Variants in NAGPA observed in about 807,000 individuals in gnomAD.
NAGPA encodes the protein alpha-N-acetylglucosaminyl phosphodiesterase.
A neutral mutation model predicts 48.5 loss-of-function variants in NAGPA; 56 were observed. The observed-to-expected ratio is 1.15, with a 90% CI of 0.93 to 1.44. The LOEUF (loss-of-function observed/expected upper bound fraction) is 1.44. NAGPA is among the 40% of genes most tolerant of loss of function. The pLI is 0.00. For synonymous variants in NAGPA, 399 were observed against 315.5 expected (o/e 1.26, Z -2.81); for missense variants, 888 against 735.0 (o/e 1.21, Z -2.41).
In NAGPA at chr16:5,033,462, C is replaced by G. The variant is rs577942444; in HGVS notation, c.353G>C (p.Arg118Thr). Residue 118 changes from arginine to threonine, a missense_variant, in exon 2 of 10, where the codon AGA becomes ACA. Physicochemically the swap from Arg to Thr is moderately conservative, Grantham distance 71. Transcript: ENST00000312251. This position sits in a 1 kb window ranked among gnomAD's most constrained non-coding sequence, Gnocchi z 4.2. ...CGTCTCCTCCACGGTGGCGCGTCGTCTCGCCGCGCAGCCGCCGGGTCCACC... is the reference window on the plus strand; with the variant it reads ...CGTCTCCTCCACGGTGGCGCGTCGTGTCGCCGCGCAGCCGCCGGGTCCACC... ...EPGGPGGCAA[R>T]RRATVEETAR... The G allele has an allele frequency of 2.5e-6, 4 of 1,583,780 alleles. No individual in the cohort carries two copies. The highest frequency in any genetic ancestry group is 3.4e-5 in the Admixed American group (2 of 58,436).
intron 7 of NAGPA, 81 bp from the exon 8 acceptor site, chr16:5,027,460 G>A (rs2142557196): frequency 7.0e-7 from 1 of 1,430,856 alleles, no homozygotes; most frequent in Non-Finnish European, 9.8e-7. Context: ...CGACAGGACA[G>A]GATACCTGCC....
intron 2 of NAGPA, among the ~76,000 whole-genome samples, chr16:5,032,151 A>G (rs996563563): frequency 2.6e-5 from 4 of 151,836 alleles, no homozygotes; most frequent in South Asian, 2.1e-4. Flanking sequence ...CCATCCCCCA[A>G]CAGAGCTCAA....
At position 5,025,461 on chromosome 16, in the gene NAGPA, C is replaced by T; in HGVS notation, c.*17G>A. The T allele has an allele frequency of 4.3e-6, 7 of 1,611,270 alleles. No homozygotes were observed. The highest frequency in any genetic ancestry group is 5.1e-6 in the Non-Finnish European group (6 of 1,179,556). On this transcript the variant is annotated 3_prime_UTR_variant, in exon 10 of 10. Coordinates refer to ENST00000312251, the MANE Select transcript of NAGPA (RefSeq NM_016256.4). Reference sequence around the variant, plus strand: ...AAACAAGCTTTCGCGACGTGCCACCCCGGGCAGCTTGAGGCTTCAGTCCTT... The same window carrying T: ...AAACAAGCTTTCGCGACGTGCCACCTCGGGCAGCTTGAGGCTTCAGTCCTT...
intron 7 of NAGPA, 111 bp downstream of exon 7, chr16:5,027,735 A>G (rs1956027493): frequency 2.7e-6 from 4 of 1,464,988 alleles, no homozygotes; most frequent in African/African-American, 1.4e-5. Context: ...GGCAGAAGAC[A>G]AGAGGCAAGC....
rs776742736 is a variant in NAGPA, at chr16:5,033,792, C to G, written c.86+37G>C. 1.9e-6 allele frequency: 3 copies of G among 1,567,734 alleles called. No homozygotes were observed. Among genetic ancestry groups the G allele is most frequent in the Admixed American group, 3.8e-5 (2 of 52,836 alleles). ...TCGTGAGCTCGGAGGACAGGGGGGA[C>G]CCCCCGAACCAGGCTGGCCCAGGGA... On this transcript the variant is annotated intron_variant, in intron 1 of 9. Transcript: ENST00000312251. The surrounding 1 kb of genome is among the most constrained non-coding windows in gnomAD (Gnocchi z 4.2).
Position 5,031,845 on chromosome 16 carries a change from TG to T in NAGPA, c.581del (p.Pro194HisfsTer6). 1 of 1,614,044 alleles carries T rather than the reference TG, an allele frequency of 6.2e-7. No individual in the cohort carries two copies. Among genetic ancestry groups the T allele is most frequent in the Non-Finnish European group, 8.5e-7 (1 of 1,179,988 alleles). ...SEEEVLDTENPFVQLLSGVVW... is the reference protein window; with the variant it reads ...SEEEVLDTENXFVQLLSGVVW... ...CGACCCCACTCAGCAGCTGCACAAA[TG>T]GGTTCTCAGTGTCCAGCACCTCCTC... On this transcript the variant is annotated frameshift_variant, in exon 3 of 10. Coordinates refer to ENST00000312251, the MANE Select transcript of NAGPA (RefSeq NM_016256.4). LOFTEE classifies it high-confidence loss of function.
Position 5,031,768 on chromosome 16 carries a change from T to G in NAGPA, c.659A>C (p.Glu220Ala). The change falls in exon 3 of 10, where the codon GAG (glutamate) becomes GCG (alanine). Residue 220 changes from glutamate (E) to alanine (A), a missense_variant. Physicochemically the swap from Glu to Ala is moderately radical, Grantham distance 107. Coordinates refer to ENST00000312251, the MANE Select transcript of NAGPA (RefSeq NM_016256.4). ...SIYINESQAT[E>A]CDETQETGSF... ...ACCTGTCTCCTGTGTCTCGTCACAC[T>G]CTGTGGCTTGGCTCTCGTTGATGTA... is the stretch of plus-strand genomic sequence containing the variant. The G allele has an allele frequency of 6.2e-7, 1 of 1,614,132 alleles. No homozygotes were observed. The highest frequency in any genetic ancestry group is 8.5e-7 in the Non-Finnish European group (1 of 1,180,020).
At position 5,027,355 on chromosome 16, in the gene NAGPA, G is replaced by C. The variant is rs762120588; in HGVS notation, c.1199C>G (p.Pro400Arg). The part of the protein sequence containing the change: ...SEECPLGWHG[P>R]GCQRPCKCEH... The stretch of plus-strand genomic sequence containing the variant: ...ACACTTACAAGGCCTCTGGCAGCCC[G>C]GCCCATGCCAGCCAAGGGGACACTC... The change falls in exon 8 of 10, where the codon CCG (proline) becomes CGG (arginine). Residue 400 changes from proline to arginine, a missense_variant. By Grantham distance (103) the Pro-to-Arg change is moderately radical (BLOSUM62 -2). Coordinates refer to ENST00000312251, the MANE Select transcript of NAGPA (RefSeq NM_016256.4). 6.2e-7 allele frequency: 1 copy of C among 1,613,950 alleles called. No homozygotes were observed.
In NAGPA at chr16:5,033,129, T is replaced by C. The variant is rs775519207; in HGVS notation, c.542+144A>G. 10 of 972,342 alleles carry C rather than the reference T, an allele frequency of 1.0e-5. No homozygotes were observed. The highest frequency in any genetic ancestry group is 3.2e-4 in the Middle Eastern group (1 of 3,168). The allele number at this position is 972,342 out of a possible 1,614,324, so 60.2% of individuals were successfully genotyped here. ...ATGATACTGGATGATGAATAAACTC[T>C]GCAAGGAAGCGATTCCTATCCCCAT... is the stretch of plus-strand genomic sequence containing the variant. On this transcript the variant is annotated intron_variant, in intron 2 of 9. Transcript: ENST00000312251. This position sits in a 1 kb window ranked among gnomAD's most constrained non-coding sequence, Gnocchi z 4.2.
rs371741432 is a variant in NAGPA at position 5,033,301 on chromosome 16, T to C, written c.514A>G (p.Ile172Val). The C allele has an allele frequency of 1.9e-6, 3 of 1,596,402 alleles. No individual in the cohort carries two copies. The part of the protein sequence containing the change: ...SGGLQNAQFG[I>V]RRDGTLVTGY... ...GTGACCAGGGTCCCGTCGCGGCGGA[T>C]CCCGAACTGCGCGTTCTGCAGCCCC... is the stretch of plus-strand genomic sequence containing the variant. Residue 172 changes from isoleucine to valine, a missense_variant, in exon 2 of 10, where the codon ATC becomes GTC. Ile to Val is a conservative substitution (Grantham distance 29). Coordinates refer to ENST00000312251, the MANE Select transcript of NAGPA (RefSeq NM_016256.4). The surrounding 1 kb of genome is among the most constrained non-coding windows in gnomAD (Gnocchi z 4.2).
At chr16:5,031,974 G>A in intron 2 of NAGPA, 90 bp from the exon 3 acceptor site, 2 of 1,572,038 alleles carry the variant, frequency 1.3e-6, no homozygotes, top group Non-Finnish European at 1.7e-6. Flanking sequence ...CAACCTGGCT[G>A]CTAGATTCCC....
At position 5,027,527 on chromosome 16, in the gene NAGPA, C is replaced by G; in HGVS notation, c.1175-148G>C. 4.6e-6 allele frequency: 4 copies of G among 861,190 alleles called. No homozygotes were observed. In the South Asian group the frequency reaches 6.3e-5, roughly 13 times the overall value. The allele number at this position is 861,190 out of a possible 1,614,324, so 53.3% of individuals were successfully genotyped here. The stretch of plus-strand genomic sequence containing the variant: ...TGAAGCACCCCCTGCCCTCCCTGGA[C>G]TAGCCCCTGAACGTGACCTTATTTG... On this transcript the variant is annotated intron_variant, in intron 7 of 9. Coordinates refer to ENST00000312251, the MANE Select transcript of NAGPA (RefSeq NM_016256.4).
Position 5,028,311 on chromosome 16 carries a change from C to G in NAGPA, c.921-126G>C, listed in dbSNP as rs780737652. On this transcript the variant is annotated intron_variant, in intron 5 of 9. Coordinates refer to ENST00000312251, the MANE Select transcript of NAGPA (RefSeq NM_016256.4). ...TACCTACCTACCTACAAGATGGCGT[C>G]TATCTATTTTTGAGATGAGGTATTG... is the stretch of plus-strand genomic sequence containing the variant. 24 of 1,528,108 alleles carry G rather than the reference C, an allele frequency of 1.6e-5. No individual in the cohort carries two copies. The Admixed American group carries it at 4.7e-4, about 30-fold the overall frequency. The allele number at this position is 1,528,108 out of a possible 1,614,324, so 94.7% of individuals were successfully genotyped here. A position where few individuals can be genotyped will look rare whatever the true frequency, so the allele number is the denominator to read the frequency against.
chr16:5,027,642 G>T (rs962858902), intron 7 of NAGPA, among the ~76,000 whole-genome samples: 2 of 152,186 alleles, frequency 1.3e-5, no homozygotes, highest in African/African-American at 2.4e-5. Flanking sequence ...AGAGCCCGGG[G>T]ACCCTTGTTT....
intron 8 of NAGPA, 30 bp downstream of exon 8, chr16:5,027,248 C>A (rs777309565): frequency 6.2e-7 from 1 of 1,614,052 alleles, no homozygotes; most frequent in South Asian, 1.1e-5. Flanking sequence ...GAGCGTCTGC[C>A]CATACCCCTC....
chr16:5,029,332 T>C (rs1956061732), intron 4 of NAGPA: 1 of 367,284 alleles, frequency 2.7e-6, no homozygotes, highest in Admixed American at 3.8e-5. Context: ...AGATTTGAAA[T>C]ACGAGGGGGA....
Position 5,027,963 on chromosome 16 carries a change from C to T in NAGPA, c.1126+17G>A. On this transcript the variant is annotated intron_variant, in intron 6 of 9. Coordinates refer to ENST00000312251, the MANE Select transcript of NAGPA (RefSeq NM_016256.4). The stretch of plus-strand genomic sequence containing the variant: ...GGCAGGGCTGGGCAGAGCCCCCTCC[C>T]CAGAACCCCCACTCACTCTCCGTGC... 8 of 1,613,656 alleles carry T rather than the reference C, an allele frequency of 5.0e-6. No individual in the cohort carries two copies. Among genetic ancestry groups the T allele is most frequent in the Non-Finnish European group, 5.9e-6 (7 of 1,179,884 alleles).
chr16:5,025,449 C>T lies in NAGPA; in HGVS notation c.*29G>A, dbSNP rs370493213. ...CAGACCGTGGGGAAACAAGCTTTCG[C>T]GACGTGCCACCCCGGGCAGCTTGAG... is the stretch of plus-strand genomic sequence containing the variant. On this transcript the variant is annotated 3_prime_UTR_variant, in exon 10 of 10. Transcript: ENST00000312251. The T allele has an allele frequency of 2.7e-4, 440 of 1,609,172 alleles. 3 individuals carry two copies. The highest frequency in any genetic ancestry group is 6.0e-5 in the Non-Finnish European group (71 of 1,178,110).
At chr16:5,031,150 G>A (rs927619087) in intron 3 of NAGPA, 2 of 170,608 alleles carry the variant, frequency 1.2e-5, no homozygotes, top group South Asian at 1.4e-4. Context: ...GCCCAGGCAG[G>A]TCTTGAACTC....
Sources: gnomAD v4.1 joint callset for allele counts (sites outside exome capture counted in the v4.1 genomes callset) on GRCh38, gnomAD v4.1.1 for gene constraint, Gnocchi (gnomAD v3.1) non-coding constraint, MANE v1.5 for transcripts, NCBI Gene and HGNC (gene_info 2026-07-23, HGNC 2026-07-21) for gene names.